SERINC5: variants seen among roughly 807,000 people sequenced by gnomAD.
The protein encoded by SERINC5 is chromosome 5 open reading frame 12.
In SERINC5, 41 loss-of-function variants were observed where a neutral mutation model predicts 63.1. The ratio of observed to expected loss-of-function variants is 0.65; its 90% CI spans 0.51 to 0.84. SERINC5 has a LOEUF of 0.84. SERINC5 is among the 40% of genes least tolerant of loss of function. The pLI, the probability that SERINC5 is intolerant of heterozygous loss-of-function variation, is 0.00. For synonymous variants in SERINC5, 222 were observed against 215.2 expected, an observed-to-expected ratio of 1.03 and a Z score of -0.28; for missense variants, 523 against 573.0, an observed-to-expected ratio of 0.91 and a Z score of 0.89.
chr5:80,176,501 G>C (rs1007188282), intron 4 of SERINC5, among the ~76,000 whole-genome samples: 14 of 152,052 alleles, frequency 9.2e-5, no homozygotes, highest in African/African-American at 3.4e-4. Flanking sequence ...GTGCAATCTC[G>C]GCTCACTGCA....
At chr5:80,163,056 T>C (rs1747047635) in intron 7 of SERINC5, among the ~76,000 whole-genome samples, 1 of 151,986 alleles carries the variant, frequency 6.6e-6, no homozygotes, top group South Asian at 2.1e-4. Context: ...GGTCTCACCA[T>C]GTTGGCCAAG....
At chr5:80,255,683 GT>G (rs2112628517) in intron 1 of SERINC5, among the ~76,000 whole-genome samples, 1 of 152,272 alleles carries the variant, frequency 6.6e-6, no homozygotes, top group South Asian at 2.1e-4. Context: ...AGACCCCGGG[GT>G]AGCCTCTCGG....
At chr5:80,224,945 G>GTTTTTTTTTTT (rs368546307) in intron 1 of SERINC5, among the ~76,000 whole-genome samples, 3 of 132,594 alleles carry the variant, frequency 2.3e-5, no homozygotes, top group Admixed American at 7.5e-5. Flanking sequence ...GTTTTTTTTT[G>GTTTTTTTTTTT]TTTTTTTTTT....
chr5:80,126,032 T>C (rs1049422096), intron 11 of SERINC5, among the ~76,000 whole-genome samples: 3 of 152,170 alleles, frequency 2.0e-5, no homozygotes, highest in Admixed American at 2.0e-4. Context: ...TCCATCAATG[T>C]GATCTTGTGA....
chr5:80,166,014 G>A lies in SERINC5; in HGVS notation c.859+369C>T, dbSNP rs142737039. Among the ~76,000 whole-genome samples, 1,097 of 152,236 alleles carry A rather than the reference G, an allele frequency of 7.2e-3. 13 individuals are homozygous for A. The highest frequency in any genetic ancestry group is 0.025 in the African/African-American group (1,035 of 41,532). ...GCGTACATATTTCTGTGGTACATGA[G>A]ATGTTTTAATACAGGTGTGAAACAT... On this transcript the variant is annotated intron_variant, in intron 7 of 11. Coordinates refer to ENST00000507668, the MANE Select transcript of SERINC5 (RefSeq NM_001174072.3).
intron 1 of SERINC5, among the ~76,000 whole-genome samples, chr5:80,211,314 C>A (rs528399180): frequency 2.0e-5 from 3 of 152,254 alleles, no homozygotes; most frequent in East Asian, 3.9e-4. Context: ...TGACTCTGAC[C>A]GAGTGCAGCC....
In SERINC5 at chr5:80,201,671, GA is replaced by G. The variant is rs1389826075; in HGVS notation, c.195+1214del. Among the ~76,000 whole-genome samples the G allele has an allele frequency of 9.2e-5, 14 of 152,184 alleles. No homozygotes were observed. In the South Asian group the frequency reaches 1.2e-3, roughly 14 times the overall value. Reference sequence around the variant, plus strand: ...CCCACCACAGTCCCCTGTGATCCAGGAGGACTACTATGGGGGAAAAAAGGAA... The same window carrying G: ...CCCACCACAGTCCCCTGTGATCCAGGGGACTACTATGGGGGAAAAAAGGAA... On this transcript the variant is annotated intron_variant, in intron 2 of 11. Transcript: ENST00000507668.
chr5:80,142,924 A>C lies in SERINC5; in HGVS notation c.*739T>G. 1.0e-6 allele frequency: 1 copy of C among 985,444 alleles called. No individual in the cohort carries two copies. The highest frequency in any genetic ancestry group is 1.2e-6 in the Non-Finnish European group (1 of 829,916). 61.0% of individuals were successfully genotyped at this position (985,444 alleles called of 1,614,324 possible). On this transcript the variant is annotated 3_prime_UTR_variant, in exon 12 of 12. Transcript: ENST00000507668. ...CGCCGTACTTATTGCAGTAACTCGG[A>C]TCAGGTAGTGATAATAAGGTGGGGA...
rs986702419 is a variant in SERINC5, at chr5:80,203,046, C to G, written c.35G>C (p.Cys12Ser). The change falls in exon 2 of 12, where the codon TGC becomes TCC. Residue 12 changes from cysteine (C) to serine (S), a missense_variant. Physicochemically the swap from Cys to Ser is moderately radical, Grantham distance 112. Coordinates refer to ENST00000507668, the MANE Select transcript of SERINC5 (RefSeq NM_001174072.3). ...AGAGCAGCCTGCAGACCCACAGCAG[C>G]AGGCCAGCTAGAAAAGGAACAGAAG... is the stretch of plus-strand genomic sequence containing the variant. ...SAQCCAGQLA[C>S]CCGSAGCSLC... The G allele has an allele frequency of 6.2e-7, 1 of 1,605,854 alleles. No individual in the cohort carries two copies. Among genetic ancestry groups the G allele is most frequent in the Non-Finnish European group, 8.5e-7 (1 of 1,175,768 alleles).
At chr5:80,111,398 A>T (rs888566793), downstream of SERINC5, among the ~76,000 whole-genome samples, 1 of 152,228 alleles carries the variant, frequency 6.6e-6, no homozygotes, top group African/African-American at 2.4e-5. Flanking sequence ...AGTTAAAAAG[A>T]CAAATGGTTA....
intron 1 of SERINC5, among the ~76,000 whole-genome samples, chr5:80,230,327 A>C (rs1751379301): frequency 6.6e-6 from 1 of 151,602 alleles, no homozygotes; most frequent in African/African-American, 2.4e-5. Flanking sequence ...AGCAAAATGA[A>C]GTGTGGTGGC....
chr5:80,144,464 C>T (rs764773171), intron 11 of SERINC5, among the ~76,000 whole-genome samples: 1 of 152,192 alleles, frequency 6.6e-6, no homozygotes, highest in Non-Finnish European at 1.5e-5. Flanking sequence ...ACATTCAAAC[C>T]AGCAATGTAA....
intron 1 of SERINC5, among the ~76,000 whole-genome samples, chr5:80,246,491 T>G (rs1752174913): frequency 6.6e-6 from 1 of 152,224 alleles, no homozygotes; most frequent in African/African-American, 2.4e-5. Context: ...ACAGTTTTCA[T>G]GAGAGAGTGA....
At chr5:80,133,200 C>A (rs1442554770) in intron 11 of SERINC5, among the ~76,000 whole-genome samples, 3 of 152,182 alleles carry the variant, frequency 2.0e-5, no homozygotes, top group Non-Finnish European at 4.4e-5. Flanking sequence ...CGAGCAGATG[C>A]CAGTACCAAT....
intron 1 of SERINC5, among the ~76,000 whole-genome samples, chr5:80,243,912 C>T (rs999532943): frequency 5.3e-5 from 8 of 151,706 alleles, no homozygotes; most frequent in South Asian, 2.1e-4. Context: ...AAAAAGTAGA[C>T]GGTGGGGGAG....
In SERINC5 at chr5:80,139,071, G is replaced by A. The variant is rs1296998433; in HGVS notation, c.*4592C>T. On this transcript the variant is annotated 3_prime_UTR_variant, in exon 12 of 12. Coordinates refer to ENST00000507668, the MANE Select transcript of SERINC5 (RefSeq NM_001174072.3). ...TTACCAAAATTCGAATCATATCAGA[G>A]ACCATTATAAATTTCAAACAGTAGA... 1.0e-6 allele frequency: 1 copy of A among 983,264 alleles called. No individual in the cohort carries two copies. The highest frequency in any genetic ancestry group is 1.8e-5 in the African/African-American group (1 of 57,138). 60.9% of individuals were successfully genotyped at this position (983,264 alleles called of 1,614,324 possible).
At chr5:80,197,583 G>A (rs1198272100) in intron 2 of SERINC5, among the ~76,000 whole-genome samples, 1 of 152,124 alleles carries the variant, frequency 6.6e-6, no homozygotes, top group East Asian at 1.9e-4. Context: ...CATTGGCCTG[G>A]CACATTGAGC....
intron 2 of SERINC5, among the ~76,000 whole-genome samples, chr5:80,195,910 C>A (rs916699179): frequency 6.6e-6 from 1 of 152,144 alleles, no homozygotes; most frequent in African/African-American, 2.4e-5. Flanking sequence ...CAAACAGCAC[C>A]TTCAGCTCAG....
At chr5:80,126,853 CAA>C (rs1744764979) in intron 11 of SERINC5, among the ~76,000 whole-genome samples, 1 of 152,106 alleles carries the variant, frequency 6.6e-6, no homozygotes, top group South Asian at 2.1e-4. Flanking sequence ...CTTGACCTCC[CAA>C]AGTGATAGGA....
Sources: allele counts gnomAD v4.1 joint callset (sites outside exome capture counted in the v4.1 genomes callset), GRCh38; gene constraint gnomAD v4.1.1; transcripts MANE v1.5; gene names NCBI Gene and HGNC (gene_info 2026-07-23, HGNC 2026-07-21).